FILIP1L: variants seen among roughly 807,000 people sequenced by gnomAD.
FILIP1L encodes the protein filamin A interacting protein 1 like, also known as filamin A-interacting protein 1-like.
A neutral mutation model predicts 96.6 loss-of-function variants in FILIP1L; 55 were observed. The observed-to-expected ratio is 0.57, with a 90% CI of 0.46 to 0.71. The LOEUF is 0.71. Among genes scored for constraint, FILIP1L ranks in the 30% least tolerant of loss-of-function variants. The probability of loss-of-function intolerance (pLI) is 0.00; values close to 1 mark genes in which losing one functional copy is unlikely to be tolerated. For missense variants in FILIP1L, 1,304 were observed against 1,321.2 expected, an observed-to-expected ratio of 0.99 and a Z score of 0.20; for synonymous variants, 467 against 473.9, an observed-to-expected ratio of 0.99 and a Z score of 0.19.
chr3:99,944,328 C>T (rs989861386), intron 1 of FILIP1L, among the ~76,000 whole-genome samples: 5 of 152,174 alleles, frequency 3.3e-5, no homozygotes, highest in African/African-American at 1.2e-4. Flanking sequence ...AGGGACGTAA[C>T]ATGAAATGAC....
intron 4 of FILIP1L, among the ~76,000 whole-genome samples, chr3:99,885,447 C>A (rs1705862380): frequency 2.6e-5 from 4 of 152,192 alleles, no homozygotes; most frequent in Admixed American, 2.6e-4. Flanking sequence ...TTATGACTAG[C>A]CCAATTACAT....
chr3:99,903,467 G>A (rs1477693864), intron 4 of FILIP1L, among the ~76,000 whole-genome samples: 1 of 152,026 alleles, frequency 6.6e-6, no homozygotes, highest in Non-Finnish European at 1.5e-5. Context: ...GGTCAGGCTG[G>A]TCTCGAACCC....
chr3:99,998,472 A>G (rs756287872), intron 1 of FILIP1L, among the ~76,000 whole-genome samples: 12 of 152,196 alleles, frequency 7.9e-5, no homozygotes, highest in South Asian at 2.1e-4. Flanking sequence ...TTAGATTTTT[A>G]CCAAGCACAA....
intron 1 of FILIP1L, among the ~76,000 whole-genome samples, chr3:99,940,857 T>A (rs1414272818): frequency 1.3e-5 from 2 of 152,222 alleles, no homozygotes; most frequent in Non-Finnish European, 2.9e-5. Context: ...TTTCCATCTT[T>A]ACATTCCAAC....
intron 1 of FILIP1L, among the ~76,000 whole-genome samples, chr3:100,056,839 C>A (rs1273032340): frequency 6.6e-6 from 1 of 151,996 alleles, no homozygotes; most frequent in Non-Finnish European, 1.5e-5. Context: ...CCCGTCTCTA[C>A]TAAAAATACA....
intron 1 of FILIP1L, among the ~76,000 whole-genome samples, chr3:99,963,551 G>A (rs1708555726): frequency 6.6e-6 from 1 of 152,154 alleles, no homozygotes; most frequent in Admixed American, 6.5e-5. Flanking sequence ...TACATTTTGT[G>A]TCAGAGAAGA....
chr3:99,968,357 G>A (rs940785658), intron 1 of FILIP1L, among the ~76,000 whole-genome samples: 1 of 151,908 alleles, frequency 6.6e-6, no homozygotes, highest in Non-Finnish European at 1.5e-5. Flanking sequence ...TAAGATAAAG[G>A]ACCTGTTTTG....
At chr3:100,071,906 T>A (rs755401266) in intron 1 of FILIP1L, among the ~76,000 whole-genome samples, 1 of 152,162 alleles carries the variant, frequency 6.6e-6, no homozygotes, top group Non-Finnish European at 1.5e-5. Flanking sequence ...AGGGGGACTT[T>A]GCCATATCAG....
intron 1 of FILIP1L, among the ~76,000 whole-genome samples, chr3:99,998,981 G>T (rs1405195937): frequency 6.6e-6 from 1 of 152,166 alleles, no homozygotes; most frequent in Non-Finnish European, 1.5e-5. Context: ...TCCACCACAA[G>T]ATTTTTGGTT....
At chr3:100,094,672 GC>G (rs1391031167) in intron 1 of FILIP1L, among the ~76,000 whole-genome samples, 41 of 117,254 alleles carry the variant, frequency 3.5e-4, no homozygotes, top group Non-Finnish European at 5.9e-4. Flanking sequence ...TGGAAAAGCT[GC>G]CTTTTTTTTT....
At position 99,889,263 on chromosome 3, in the gene FILIP1L, T is replaced by C. The variant is rs143702121; in HGVS notation, c.605+34967A>G. 8.5e-4 allele frequency among the ~76,000 whole-genome samples: 130 copies of C among 152,268 alleles called. 2 individuals carry two copies. The East Asian group carries it at 0.022, about 26-fold the overall frequency. ...CCTTGTGTTTCTGGCAATTCTTGCT[T>C]TACATATTTTTAGATGCACACAAAT... On this transcript the variant is annotated intron_variant, in intron 4 of 5. Coordinates refer to ENST00000477258, the MANE Select transcript of FILIP1L (RefSeq NM_001387850.1).
At position 99,972,084 on chromosome 3, in the gene FILIP1L, A is replaced by G. The variant is rs141723013; in HGVS notation, c.-10-41054T>C. Among the ~76,000 whole-genome samples, 1,104 of 152,338 alleles carry G rather than the reference A, an allele frequency of 7.2e-3. 19 individuals are homozygous for G. The highest frequency in any genetic ancestry group is 0.024 in the African/African-American group (1,017 of 41,566). ...GTGAATCAGTACGAATATTATTGAGAGGAACCTGGTTCTGACAGATATAAG... is the reference window on the plus strand; with the variant it reads ...GTGAATCAGTACGAATATTATTGAGGGGAACCTGGTTCTGACAGATATAAG... On this transcript the variant is annotated intron_variant, in intron 1 of 5. Transcript: ENST00000477258.
intron 5 of FILIP1L, among the ~76,000 whole-genome samples, chr3:99,836,350 G>A (rs761099363): frequency 1.3e-5 from 2 of 152,138 alleles, no homozygotes; most frequent in African/African-American, 2.4e-5. Flanking sequence ...CAATAGAGGC[G>A]AGACAAAGAG....
rs562690474 is a variant in FILIP1L, at chr3:99,993,543, T to C, written c.-10-62513A>G. ...ATAGGGGTGGTAAAAGTGGGCATCC[T>C]TGTCTTGTTCCAGTTCTTAGAGGGA... On this transcript the variant is annotated intron_variant, in intron 1 of 5. Coordinates refer to ENST00000477258, the MANE Select transcript of FILIP1L (RefSeq NM_001387850.1). 2.6e-5 allele frequency among the ~76,000 whole-genome samples: 4 copies of C among 152,264 alleles called. No individual in the cohort carries two copies. In the East Asian group the frequency reaches 7.7e-4, roughly 29 times the overall value.
At chr3:99,962,679 C>G (rs146619050) in intron 1 of FILIP1L, among the ~76,000 whole-genome samples, 2 of 152,276 alleles carry the variant, frequency 1.3e-5, no homozygotes, top group East Asian at 3.9e-4. Flanking sequence ...GGTCCTGTTA[C>G]AGTAAGAAAT....
chr3:99,890,455 T>C (rs1160603159), intron 4 of FILIP1L, among the ~76,000 whole-genome samples: 1 of 152,092 alleles, frequency 6.6e-6, no homozygotes, highest in East Asian at 1.9e-4. Context: ...TTCTGAACAG[T>C]TTTTTCTCTC....
intron 1 of FILIP1L, chr3:100,040,997 T>C (rs1480384196): frequency 1.3e-5 from 2 of 152,238 alleles, no homozygotes; most frequent in Admixed American, 6.5e-5. Flanking sequence ...AAATCTGTCC[T>C]GAAGTATGTC....
At position 99,900,867 on chromosome 3, in the gene FILIP1L, G is replaced by A. The variant is rs115314839; in HGVS notation, c.605+23363C>T. 4.1e-3 allele frequency among the ~76,000 whole-genome samples: 626 copies of A among 152,328 alleles called. 4 individuals are homozygous for A. Among genetic ancestry groups the A allele is most frequent in the African/African-American group, 0.014 (583 of 41,574 alleles). On this transcript the variant is annotated intron_variant, in intron 4 of 5. Transcript: ENST00000477258. ...TCTGGTGATTCTTACATGTAGCAAA[G>A]TGTTAGAAGCACTGATCTAAAGGAA...
chr3:99,975,320 C>G (rs953537444), intron 1 of FILIP1L, among the ~76,000 whole-genome samples: 1 of 152,188 alleles, frequency 6.6e-6, no homozygotes, highest in Non-Finnish European at 1.5e-5. Flanking sequence ...CCAGGAGAGA[C>G]ACAGTTCCAA....
Sources: allele counts gnomAD v4.1 joint callset (sites outside exome capture counted in the v4.1 genomes callset), GRCh38; gene constraint gnomAD v4.1.1; transcripts MANE v1.5; gene names NCBI Gene and HGNC (gene_info 2026-07-23, HGNC 2026-07-21).